Variants in COL4A6 observed in about 807,000 individuals in gnomAD.
COL4A6 encodes the protein collagen alpha-6(IV) chain.
A neutral mutation model predicts 126.7 loss-of-function variants in COL4A6; 59 were observed. That is an observed-to-expected ratio of 0.47 (90% CI 0.38 to 0.58). The LOEUF (loss-of-function observed/expected upper bound fraction) is 0.58. COL4A6 is among the 20% of genes least tolerant of loss of function. COL4A6 has a pLI of 0.00. For synonymous variants in COL4A6, 547 were observed against 496.6 expected (o/e 1.10, Z -1.35); for missense variants, 1,285 against 1,337.3 (o/e 0.96, Z 0.61).
intron 3 of COL4A6, among the ~76,000 whole-genome samples, chrX:108,284,552 C>T (rs1167234388): frequency 8.9e-6 from 1 of 112,067 alleles, no homozygotes; most frequent in Non-Finnish European, 1.9e-5. Flanking sequence ...ACAAAACAAA[C>T]TACCAAAAAA....
At chrX:108,427,157 C>CT (rs2064101498) in intron 2 of COL4A6, among the ~76,000 whole-genome samples, 2 of 111,751 alleles carry the variant, frequency 1.8e-5, no homozygotes. Flanking sequence ...GGTAAATGCT[C>CT]TGAGGAGTTA....
intron 2 of COL4A6, among the ~76,000 whole-genome samples, chrX:108,351,766 A>AT (rs202116729): frequency 0.072 from 7,986 of 111,276 alleles, 636 homozygotes; most frequent in African/African-American, 0.23. Flanking sequence ...ATAAATAGTG[A>AT]TTTTATGTGA....
intron 2 of COL4A6, among the ~76,000 whole-genome samples, chrX:108,316,716 T>C (rs1171947352): frequency 5.4e-5 from 6 of 112,112 alleles, no homozygotes; most frequent in Non-Finnish European, 1.1e-4. Context: ...AACACTGCTA[T>C]AGAAGATGAA....
intron 3 of COL4A6, among the ~76,000 whole-genome samples, chrX:108,237,934 ATCTC>A (rs746245085): frequency 1.9e-5 from 2 of 106,518 alleles, no homozygotes; most frequent in East Asian, 5.9e-4. Context: ...TCTAAAATCT[ATCTC>A]TATCATCAAT....
rs189394748 is a variant in COL4A6 at position 108,373,981 on chromosome X, C to T, written c.64-63153G>A. Among the ~76,000 whole-genome samples, 119 of 112,055 alleles carry T rather than the reference C, an allele frequency of 1.1e-3. 1 individual carries two copies. Among genetic ancestry groups the T allele is most frequent in the African/African-American group, 3.8e-3 (117 of 30,889 alleles). On this transcript the variant is annotated intron_variant, in intron 2 of 44. Transcript: ENST00000334504. ...TTTGCTAAAAGAATATATCCTCCCC[C>T]AAAAGAAAATAAAACAGGCTAAAAA...
chrX:108,393,510 A>G (rs958868940), intron 2 of COL4A6, among the ~76,000 whole-genome samples: 1 of 111,938 alleles, frequency 8.9e-6, no homozygotes, highest in Non-Finnish European at 1.9e-5. Flanking sequence ...CATTGCCCAC[A>G]GCTATGGGAT....
intron 3 of COL4A6, among the ~76,000 whole-genome samples, chrX:108,223,899 G>A (rs949475618): frequency 9.0e-6 from 1 of 111,504 alleles, no homozygotes; most frequent in East Asian, 2.8e-4. Context: ...GATCCAGTCA[G>A]GGCACTGAAT....
Position 108,187,857 on chromosome X carries a change from T to C in COL4A6, c.1758A>G (p.Pro586=), listed in dbSNP as rs201868745. 1 of 1,205,289 alleles carries C rather than the reference T, an allele frequency of 8.3e-7. No individual in the cohort carries two copies. The highest frequency in any genetic ancestry group is 1.1e-6 in the Non-Finnish European group (1 of 891,231). The change falls in exon 22 of 45, where the codon CCA becomes CCG. Residue 586 remains proline, a synonymous_variant. Coordinates refer to ENST00000334504, the MANE Select transcript of COL4A6 (RefSeq NM_033641.4). ...GGAACGATCAACTTACCGGAAGGCCTGGCAGACCTGGTAAACCTGGTACTC... is the reference window on the plus strand; with the variant it reads ...GGAACGATCAACTTACCGGAAGGCCCGGCAGACCTGGTAAACCTGGTACTC... The part of the protein sequence containing the change: ...KDGVPGLPGL[P]GLPGDGGQGF...
intron 2 of COL4A6, among the ~76,000 whole-genome samples, chrX:108,318,738 T>C (rs1365227811): frequency 8.9e-6 from 1 of 112,143 alleles, no homozygotes; most frequent in Non-Finnish European, 1.9e-5. Context: ...TACAAACAAA[T>C]GGAAGAATAT....
At chrX:108,376,729 G>A (rs770935970) in intron 2 of COL4A6, among the ~76,000 whole-genome samples, 1 of 113,138 alleles carries the variant, frequency 8.8e-6, no homozygotes, top group Admixed American at 9.3e-5. Flanking sequence ...TTATTTATTT[G>A]TTTTGTTGCA....
chrX:108,234,752 G>A (rs1032572735), intron 3 of COL4A6, among the ~76,000 whole-genome samples: 1 of 111,939 alleles, frequency 8.9e-6, no homozygotes, highest in Non-Finnish European at 1.9e-5. Flanking sequence ...AGATAGAGGA[G>A]GGCTTTTTAT....
At chrX:108,407,787 A>G (rs1404219750) in intron 2 of COL4A6, among the ~76,000 whole-genome samples, 1 of 112,384 alleles carries the variant, frequency 8.9e-6, no homozygotes, top group Non-Finnish European at 1.9e-5. Flanking sequence ...TCTACTTACC[A>G]ATTTTCCTGC....
At chrX:108,319,877 T>C in intron 2 of COL4A6, among the ~76,000 whole-genome samples, 1 of 112,105 alleles carries the variant, frequency 8.9e-6, no homozygotes, top group East Asian at 2.8e-4. Flanking sequence ...TGAGGGAATA[T>C]GTGTTGACAC....
chrX:108,187,342 G>T, intron 22 of COL4A6, 63 bp from the exon 23 acceptor site: 1 of 936,673 alleles, frequency 1.1e-6, no homozygotes, highest in Non-Finnish European at 1.4e-6. Context: ...ACAGTCCTCT[G>T]ACTACAGGAA....
At chrX:108,282,128 A>C (rs2147810162) in intron 3 of COL4A6, among the ~76,000 whole-genome samples, 1 of 109,422 alleles carries the variant, frequency 9.1e-6, no homozygotes, top group African/African-American at 3.3e-5. Context: ...ATGACAACAA[A>C]AGCCAAAATT....
intron 2 of COL4A6, among the ~76,000 whole-genome samples, chrX:108,433,223 G>T (rs891469010): frequency 3.6e-5 from 4 of 112,003 alleles, no homozygotes; most frequent in African/African-American, 1.3e-4. Flanking sequence ...CTAGGAAAGG[G>T]ATAGATTAAA....
intron 2 of COL4A6, among the ~76,000 whole-genome samples, chrX:108,392,283 T>C (rs942051694): frequency 9.0e-6 from 1 of 111,227 alleles, no homozygotes; most frequent in Non-Finnish European, 1.9e-5. Context: ...TAATTAAACA[T>C]TTTCATACCT....
chrX:108,177,143 A>G (rs1033361949), intron 27 of COL4A6, 132 bp from the exon 28 acceptor site: 1 of 538,991 alleles, frequency 1.9e-6, no homozygotes, highest in Non-Finnish European at 3.0e-6. Context: ...TAACAATAGC[A>G]CATGCAAACT....
chrX:108,217,687 G>A (rs947290683), intron 5 of COL4A6, among the ~76,000 whole-genome samples: 1 of 111,111 alleles, frequency 9.0e-6, no homozygotes, highest in African/African-American at 3.3e-5. Context: ...GGAAGGAAGA[G>A]GTAAGCACTG....
Sources: gnomAD v4.1 joint callset for allele counts (sites outside exome capture counted in the v4.1 genomes callset) on GRCh38, gnomAD v4.1.1 for gene constraint, MANE v1.5 for transcripts, NCBI Gene and HGNC (gene_info 2026-07-23, HGNC 2026-07-21) for gene names.